Variants in COQ10B observed in about 807,000 individuals in gnomAD.
COQ10B encodes the protein coenzyme Q-binding protein COQ10 homolog B, mitochondrial.
COQ10B carries 12 observed loss-of-function variants against 27.6 expected under a neutral mutation model. The observed-to-expected ratio is 0.43, with a 90% CI of 0.28 to 0.70. The LOEUF is 0.70. Among genes scored for constraint, COQ10B ranks in the 30% least tolerant of loss-of-function variants. The pLI, the probability that COQ10B is intolerant of heterozygous loss-of-function variation, is 0.17. For synonymous variants in COQ10B, 115 were observed against 103.0 expected (o/e 1.12, Z -0.71); for missense variants, 278 against 288.7 (o/e 0.96, Z 0.27).
intron 2 of COQ10B, 95 bp from the exon 3 acceptor site, chr2:197,462,444 T>A: frequency 3.0e-6 from 2 of 655,760 alleles, no homozygotes; most frequent in Non-Finnish European, 5.1e-6. Context: ...TTATTTATCA[T>A]ACACAGTAAG....
chr2:197,467,224 G>T (rs931313722), intron 3 of COQ10B, among the ~76,000 whole-genome samples: 1 of 151,970 alleles, frequency 6.6e-6, no homozygotes, highest in Non-Finnish European at 1.5e-5. Flanking sequence ...TGGGATTACA[G>T]GAATGAGCCA....
intron 4 of COQ10B, among the ~76,000 whole-genome samples, chr2:197,473,403 A>C (rs2085900073): frequency 2.2e-5 from 1 of 45,778 alleles, no homozygotes; most frequent in Non-Finnish European, 3.9e-5. Context: ...CCCCCCCCAC[A>C]AAAAAAAAAA....
rs564339639 is a variant in COQ10B, at chr2:197,464,140, G to C, written c.447+1409G>C. 3.4e-5 allele frequency among the ~76,000 whole-genome samples: 5 copies of C among 147,886 alleles called. No individual in the cohort carries two copies. In the East Asian group the frequency reaches 9.8e-4, roughly 29 times the overall value. ...TTGAGATTATCCTGCCAAGTACCAG[G>C]TACTGAAATGCCAACTGCTCTTACA... On this transcript the variant is annotated intron_variant, in intron 3 of 4. Transcript: ENST00000263960.
chr2:197,461,997 C>A (rs1022523546), intron 2 of COQ10B, among the ~76,000 whole-genome samples: 1 of 150,808 alleles, frequency 6.6e-6, no homozygotes, highest in South Asian at 2.2e-4. Flanking sequence ...AGGCCGGGCG[C>A]GGTGGCTCAT....
Position 197,454,126 on chromosome 2 carries a change from C to T in COQ10B, c.104+462C>T, listed in dbSNP as rs1392963496. ...TCCCAATTTCTGAAAGAGTGCTTTG[C>T]CCTCGCCATTTAGTGTTTACAAAAC... is the stretch of plus-strand genomic sequence containing the variant. On this transcript the variant is annotated intron_variant, in intron 1 of 4. Coordinates refer to ENST00000263960, the MANE Select transcript of COQ10B (RefSeq NM_025147.5). The T allele has an allele frequency of 9.0e-6, 14 of 1,550,550 alleles. No individual in the cohort carries two copies. In the East Asian group the frequency reaches 2.9e-4, roughly 32 times the overall value.
intron 3 of COQ10B, among the ~76,000 whole-genome samples, chr2:197,463,858 C>T (rs1194309387): frequency 2.8e-5 from 4 of 141,164 alleles, no homozygotes; most frequent in African/African-American, 1.1e-4. Flanking sequence ...CACTTGAACC[C>T]AGGAGGCAGA....
Position 197,470,196 on chromosome 2 carries a change from T to C in COQ10B, c.549+25T>C, listed in dbSNP as rs896175737. The stretch of plus-strand genomic sequence containing the variant: ...AGTAAGTCTCATAAAGCCCTTGATT[T>C]GTTCCACTTATGAGGTAAAATTGGT... On this transcript the variant is annotated intron_variant, in intron 4 of 4. Coordinates refer to ENST00000263960, the MANE Select transcript of COQ10B (RefSeq NM_025147.5). 7 of 1,402,528 alleles carry C rather than the reference T, an allele frequency of 5.0e-6. No homozygotes were observed. The East Asian group carries it at 1.6e-4, about 32-fold the overall frequency. The allele number at this position is 1,402,528 out of a possible 1,614,324, so 86.9% of individuals were successfully genotyped here. A position where few individuals can be genotyped will look rare whatever the true frequency, so the allele number is the denominator to read the frequency against.
Position 197,462,558 on chromosome 2 carries a change from T to G in COQ10B, c.274T>G (p.Tyr92Asp), listed in dbSNP as rs768847853. 6.3e-7 allele frequency: 1 copy of G among 1,576,390 alleles called. No homozygotes were observed. Among genetic ancestry groups the G allele is most frequent in the African/African-American group, 1.4e-5 (1 of 73,584 alleles). Reference protein sequence around the residue: ...RILGYSMQEMYDVVSGVEDYK... With the variant: ...RILGYSMQEMDDVVSGVEDYK... ...TTAAAGATATTCAATGCAGGAAATG[T>G]ATGATGTAGTATCGGGAGTGGAGGA... Residue 92 changes from tyrosine (Y) to aspartate (D), a missense_variant, in exon 3 of 5, where the codon TAT (tyrosine) becomes GAT (aspartate). Physicochemically the swap from Tyr to Asp is radical, Grantham distance 160. This residue lies in a region of COQ10B where 183 missense variants were observed against 158.2 expected (regional missense o/e 1.16). Coordinates refer to ENST00000263960, the MANE Select transcript of COQ10B (RefSeq NM_025147.5).
Position 197,454,294 on chromosome 2 carries a change from C to A in COQ10B, c.104+630C>A, listed in dbSNP as rs1449544780. On this transcript the variant is annotated intron_variant, in intron 1 of 4. Transcript: ENST00000263960. ...GGGGGTGGAGATGGAGGTCGGGACA[C>A]GGATACCATACTTGTACGACTTAGT... 7 of 595,282 alleles carry A rather than the reference C, an allele frequency of 1.2e-5. No individual in the cohort carries two copies. The East Asian group carries it at 1.2e-4, about 10-fold the overall frequency. 36.9% of individuals were successfully genotyped at this position (595,282 alleles called of 1,614,324 possible).
Position 197,460,014 on chromosome 2 carries a change from A to G in COQ10B, c.187A>G (p.Thr63Ala). The G allele has an allele frequency of 1.9e-6, 3 of 1,611,846 alleles. No individual in the cohort carries two copies. The highest frequency in any genetic ancestry group is 2.5e-6 in the Non-Finnish European group (3 of 1,178,298). The change falls in exon 2 of 5, where the codon ACT (threonine) becomes GCT (alanine). Residue 63 changes from threonine to alanine, a missense_variant. Thr to Ala is a moderately conservative substitution (Grantham distance 58). This residue lies in a region of COQ10B where 183 missense variants were observed against 158.2 expected (regional missense o/e 1.16). Transcript: ENST00000263960. ...SILPKEICAR[T>A]FFKITAPLIN... ...TTTGCCTAAGGAGATATGTGCACGA[A>G]CTTTCTTCAAAATCACTGCACCATT...
At chr2:197,472,305 TAC>T (rs1253914229) in intron 4 of COQ10B, among the ~76,000 whole-genome samples, 2 of 152,076 alleles carry the variant, frequency 1.3e-5, no homozygotes, top group East Asian at 1.9e-4. Flanking sequence ...AGGGAGAGAA[TAC>T]AGTCATGGGT....
At chr2:197,465,845 G>T (rs555920325) in intron 3 of COQ10B, among the ~76,000 whole-genome samples, 1 of 152,192 alleles carries the variant, frequency 6.6e-6, no homozygotes, top group Non-Finnish European at 1.5e-5. Context: ...CAGCACTTTG[G>T]GAGGCTGAGG....
In COQ10B at chr2:197,474,817, C is replaced by CTTTTTTTT. The variant is rs10640829; in HGVS notation, c.*903_*910dup. The CTTTTTTTT allele has an allele frequency of 3.8e-5, 5 of 133,264 alleles. No individual in the cohort carries two copies. Among genetic ancestry groups the CTTTTTTTT allele is most frequent in the Non-Finnish European group, 3.2e-5 (2 of 61,914 alleles). The allele number at this position is 133,264 out of a possible 1,614,324, so 8.3% of individuals were successfully genotyped here. On this transcript the variant is annotated 3_prime_UTR_variant, in exon 5 of 5. Transcript: ENST00000263960. The stretch of plus-strand genomic sequence containing the variant: ...TCCCAGATAAACAGTGTATTTTCTT[C>CTTTTTTTT]TTTTTTTTTTTTTTTTTGGTGAGTG...
chr2:197,467,302 G>A (rs1393361596), intron 3 of COQ10B, among the ~76,000 whole-genome samples: 1 of 149,888 alleles, frequency 6.7e-6, no homozygotes, highest in African/African-American at 2.5e-5. Flanking sequence ...ATGGAGTTTC[G>A]CTCTTGTTAC....
At chr2:197,471,637 A>G (rs1318387279) in intron 4 of COQ10B, among the ~76,000 whole-genome samples, 3 of 152,100 alleles carry the variant, frequency 2.0e-5, no homozygotes, top group African/African-American at 7.2e-5. Context: ...TTAAAGCATT[A>G]TAGACATTAA....
rs200668143 is a variant in COQ10B at position 197,464,875 on chromosome 2, C to CT, written c.447+2160dup. Among the ~76,000 whole-genome samples the CT allele has an allele frequency of 8.1e-3, 1,120 of 138,454 alleles. 3 individuals are homozygous for CT. Among genetic ancestry groups the CT allele is most frequent in the South Asian group, 0.013 (58 of 4,340 alleles). 90.8% of individuals were successfully genotyped at this position (138,454 alleles called of 152,430 possible). On this transcript the variant is annotated intron_variant, in intron 3 of 4. Transcript: ENST00000263960. ...CCATTCAGTCCCTTAGAACTTAAAT[C>CT]TTTTTTTTTTTTTTTTGAGATGGAG... is the stretch of plus-strand genomic sequence containing the variant.
chr2:197,459,748 G>A (rs944194956), intron 1 of COQ10B, among the ~76,000 whole-genome samples, 184 bp from the exon 2 acceptor site: 1 of 141,594 alleles, frequency 7.1e-6, no homozygotes, highest in Non-Finnish European at 1.6e-5. Flanking sequence ...TGTTATTTTT[G>A]TTTTTTTTTT....
intron 1 of COQ10B, among the ~76,000 whole-genome samples, chr2:197,457,729 T>G (rs1374172867): frequency 6.6e-6 from 1 of 151,684 alleles, no homozygotes; most frequent in Non-Finnish European, 1.5e-5. Flanking sequence ...TCAAGCATTT[T>G]CCCTGCCTCA....
intron 4 of COQ10B, among the ~76,000 whole-genome samples, chr2:197,473,418 ATAT>A (rs1559296039): frequency 0.016 from 888 of 57,112 alleles, 77 homozygotes; most frequent in African/African-American, 0.073. Context: ...AAAAAAAAAT[ATAT>A]ATATATATAT....
Sources: allele counts gnomAD v4.1 joint callset (sites outside exome capture counted in the v4.1 genomes callset), GRCh38; gene constraint gnomAD v4.1.1; regional missense constraint gnomAD v4.1.1; transcripts MANE v1.5; gene names NCBI Gene and HGNC (gene_info 2026-07-23, HGNC 2026-07-21).